Variants in GALNT2 observed in about 807,000 individuals in gnomAD.
GALNT2 encodes polypeptide N-acetylgalactosaminyltransferase 2, also known as UDP-GalNAc:polypeptide N-acetylgalactosaminyltransferase 2.
A neutral mutation model predicts 81.4 loss-of-function variants in GALNT2; 31 were observed. The observed-to-expected ratio is 0.38, with a 90% CI of 0.29 to 0.51. The LOEUF is 0.51. GALNT2 is among the 20% of genes least tolerant of loss of function. GALNT2 has a pLI of 0.87. For missense variants in GALNT2, 629 were observed against 765.7 expected, an observed-to-expected ratio of 0.82 and a Z score of 2.11; for synonymous variants, 303 against 287.4, an observed-to-expected ratio of 1.05 and a Z score of -0.55.
intron 2 of GALNT2, among the ~76,000 whole-genome samples, chr1:230,186,766 C>G (rs1273869364): frequency 6.6e-6 from 1 of 152,166 alleles, no homozygotes; most frequent in Non-Finnish European, 1.5e-5. Flanking sequence ...TCAAAGAGAT[C>G]AGAATGTACT....
intron 1 of GALNT2, among the ~76,000 whole-genome samples, chr1:230,085,805 C>T (rs763675141): frequency 1.9e-4 from 29 of 152,300 alleles, no homozygotes; most frequent in African/African-American, 6.5e-4. Context: ...TGCTCTATAC[C>T]TTAGCCAACC....
At chr1:230,266,086 C>G (rs188991362) in intron 14 of GALNT2, among the ~76,000 whole-genome samples, 3 of 152,038 alleles carry the variant, frequency 2.0e-5, no homozygotes. Flanking sequence ...CCCAGCTACC[C>G]GAGAGGCTGA....
intron 1 of GALNT2, among the ~76,000 whole-genome samples, chr1:230,138,240 G>A (rs901436667): frequency 6.6e-6 from 1 of 152,126 alleles, no homozygotes; most frequent in Non-Finnish European, 1.5e-5. Flanking sequence ...AAATAAACAG[G>A]GCCAGGCATG....
At chr1:230,218,633 A>T (rs973797729) in intron 3 of GALNT2, among the ~76,000 whole-genome samples, 1 of 152,230 alleles carries the variant, frequency 6.6e-6, no homozygotes, top group African/African-American at 2.4e-5. Context: ...GTGGATGAAG[A>T]TATACAAAAA....
At chr1:230,250,425 C>T (rs781018994) in intron 9 of GALNT2, 32 bp from the exon 10 acceptor site, 6 of 1,567,802 alleles carry the variant, frequency 3.8e-6, no homozygotes, top group Middle Eastern at 1.7e-4. Flanking sequence ...TTGCCCTCTC[C>T]TCCCTCCCCC....
At chr1:230,175,016 C>T (rs1490522138) in intron 1 of GALNT2, among the ~76,000 whole-genome samples, 1 of 152,190 alleles carries the variant, frequency 6.6e-6, no homozygotes. Flanking sequence ...GGTGTCTTTG[C>T]ACAGCACAGG....
chr1:230,062,848 G>A (rs1659081695), upstream of GALNT2, among the ~76,000 whole-genome samples: 1 of 152,116 alleles, frequency 6.6e-6, no homozygotes. Context: ...TTGAGTCGCT[G>A]CTTTCAATTC....
At chr1:230,254,796 G>A (rs1041901971) in intron 10 of GALNT2, among the ~76,000 whole-genome samples, 1 of 152,196 alleles carries the variant, frequency 6.6e-6, no homozygotes, top group Admixed American at 6.5e-5. Context: ...TACGAAGCAA[G>A]TGCAAATGAT....
intron 1 of GALNT2, among the ~76,000 whole-genome samples, chr1:230,142,853 T>C (rs764815217): frequency 2.0e-5 from 3 of 152,140 alleles, no homozygotes; most frequent in Non-Finnish European, 4.4e-5. Context: ...TTATCCTCCT[T>C]CTGTTCATTT....
chr1:230,079,446 C>T (rs1305970867), intron 1 of GALNT2, among the ~76,000 whole-genome samples: 1 of 152,270 alleles, frequency 6.6e-6, no homozygotes, highest in Non-Finnish European at 1.5e-5. Context: ...GCCTGCCCCA[C>T]GGGTCATGCA....
intron 3 of GALNT2, among the ~76,000 whole-genome samples, chr1:230,227,908 G>A (rs565664927): frequency 3.5e-4 from 53 of 152,298 alleles, no homozygotes; most frequent in African/African-American, 1.2e-3. Context: ...TGCAAGATGT[G>A]TAACGAATGG....
chr1:230,279,296 C>T lies in GALNT2; in HGVS notation c.1561-7C>T, dbSNP rs1558176268. On this transcript the variant is annotated splice_polypyrimidine_tract_variant and splice_region_variant and intron_variant, in intron 15 of 15. Transcript: ENST00000366672. The surrounding 1 kb of genome is among the most constrained non-coding windows in gnomAD (Gnocchi z 4.6). ...CACACTCTAAGGCACTCTCCTGTGT[C>T]TTGCAGAAATGGGAACAGATCGAGG... is the stretch of plus-strand genomic sequence containing the variant. The T allele has an allele frequency of 6.2e-7, 1 of 1,613,050 alleles. No individual in the cohort carries two copies. Among genetic ancestry groups the T allele is most frequent in the Non-Finnish European group, 8.5e-7 (1 of 1,179,400 alleles).
intron 3 of GALNT2, among the ~76,000 whole-genome samples, chr1:230,232,456 C>T (rs894867654): frequency 3.3e-5 from 5 of 152,066 alleles, no homozygotes; most frequent in African/African-American, 7.2e-5. Context: ...AAAAGGAAAC[C>T]GAGAGAATAG....
At chr1:230,086,424 C>T (rs1212923327) in intron 1 of GALNT2, among the ~76,000 whole-genome samples, 1 of 152,078 alleles carries the variant, frequency 6.6e-6, no homozygotes, top group Non-Finnish European at 1.5e-5. Context: ...ATGCCTAAGT[C>T]AAGGGAATAG....
At chr1:230,160,060 C>T (rs1267638716) in intron 1 of GALNT2, among the ~76,000 whole-genome samples, 4 of 152,214 alleles carry the variant, frequency 2.6e-5, no homozygotes, top group Admixed American at 2.6e-4. Flanking sequence ...AGTTTCTGCT[C>T]ACTGATCAGA....
At chr1:230,115,972 A>G (rs1021694834) in intron 1 of GALNT2, among the ~76,000 whole-genome samples, 5 of 152,032 alleles carry the variant, frequency 3.3e-5, no homozygotes, top group Non-Finnish European at 7.4e-5. Flanking sequence ...TGTCGTCTCC[A>G]CTTCTAGTTC....
At chr1:230,104,038 G>T (rs992858162) in intron 1 of GALNT2, among the ~76,000 whole-genome samples, 1 of 152,146 alleles carries the variant, frequency 6.6e-6, no homozygotes, top group Non-Finnish European at 1.5e-5. Flanking sequence ...TTCAGCTTGT[G>T]CTTACTGAGT....
intron 1 of GALNT2, among the ~76,000 whole-genome samples, chr1:230,107,451 A>G (rs1249702707): frequency 6.6e-6 from 1 of 152,154 alleles, no homozygotes; most frequent in East Asian, 1.9e-4. Flanking sequence ...GTGGTGGCAC[A>G]CACCTGTAGT....
At chr1:230,110,636 C>T (rs1007960935) in intron 1 of GALNT2, among the ~76,000 whole-genome samples, 14 of 151,520 alleles carry the variant, frequency 9.2e-5, no homozygotes, top group African/African-American at 2.4e-4. Context: ...TGCTGGAGTG[C>T]GCTGTTATAT....
Sources: gnomAD v4.1 joint callset for allele counts (sites outside exome capture counted in the v4.1 genomes callset) on GRCh38, gnomAD v4.1.1 for gene constraint, Gnocchi (gnomAD v3.1) non-coding constraint, MANE v1.5 for transcripts, NCBI Gene and HGNC (gene_info 2026-07-23, HGNC 2026-07-21) for gene names.